KHDRBS2: variants seen among roughly 807,000 people sequenced by gnomAD.
KHDRBS2 encodes KH domain-containing, RNA-binding, signal transduction-associated protein 2.
KHDRBS2 carries 26 observed loss-of-function variants against 44.3 expected under a neutral mutation model. The ratio of observed to expected loss-of-function variants is 0.59; its 90% confidence interval spans 0.43 to 0.81. KHDRBS2 has a LOEUF of 0.81. Ranked by LOEUF, KHDRBS2 falls within the 40% of genes least tolerant of loss-of-function variation. KHDRBS2 has a pLI of 0.00. For synonymous variants in KHDRBS2, 194 were observed against 151.1 expected (o/e 1.28, Z -2.08); for missense variants, 476 against 433.1 (o/e 1.10, Z -0.88).
chr6:62,251,624 G>T (rs1836551076), intron 1 of KHDRBS2, among the ~76,000 whole-genome samples: 2 of 151,848 alleles, frequency 1.3e-5, no homozygotes, highest in African/African-American at 2.4e-5. Flanking sequence ...AGGAATCTGA[G>T]GAATTTCAAT....
intron 7 of KHDRBS2, among the ~76,000 whole-genome samples, chr6:61,706,950 A>AAC (rs1769674090): frequency 1.3e-5 from 2 of 151,520 alleles, no homozygotes; most frequent in Non-Finnish European, 2.9e-5. Flanking sequence ...ACAAAAACAA[A>AAC]AACAAAAACA....
intron 2 of KHDRBS2, among the ~76,000 whole-genome samples, chr6:62,149,668 A>C (rs932546041): frequency 1.3e-5 from 2 of 152,226 alleles, no homozygotes; most frequent in Non-Finnish European, 2.9e-5. Context: ...ACTGATATAA[A>C]AAAAGCACTT....
At position 62,071,647 on chromosome 6, in the gene KHDRBS2, C is replaced by A. The variant is rs938815950; in HGVS notation, c.220-23653G>T. Among the ~76,000 whole-genome samples the A allele has an allele frequency of 2.0e-5, 3 of 151,904 alleles. No homozygotes were observed. The East Asian group carries it at 5.8e-4, about 29-fold the overall frequency. On this transcript the variant is annotated intron_variant, in intron 2 of 8. Transcript: ENST00000281156. ...GTCAGGTTTGTCAAAGATCAGATAG[C>A]TGTAGATATGTGGCATTATTTCTGA... is the stretch of plus-strand genomic sequence containing the variant.
At chr6:62,241,481 G>GA (rs1450493376) in intron 1 of KHDRBS2, among the ~76,000 whole-genome samples, 2 of 151,722 alleles carry the variant, frequency 1.3e-5, no homozygotes, top group South Asian at 4.1e-4. Context: ...CAGCTGAGGT[G>GA]AAAAAATACA....
chr6:61,911,425 A>C (rs1806030698), intron 4 of KHDRBS2, among the ~76,000 whole-genome samples: 1 of 152,200 alleles, frequency 6.6e-6, no homozygotes, highest in Non-Finnish European at 1.5e-5. Flanking sequence ...TTGTTCATGT[A>C]ATGTAATGGT....
At chr6:61,803,140 C>T (rs1355626790) in intron 6 of KHDRBS2, among the ~76,000 whole-genome samples, 1 of 152,158 alleles carries the variant, frequency 6.6e-6, no homozygotes, top group African/African-American at 2.4e-5. Flanking sequence ...TTGCTTCCTC[C>T]TACTCCTCAT....
chr6:62,270,824 G>A (rs1209161286), intron 1 of KHDRBS2, among the ~76,000 whole-genome samples: 2 of 152,072 alleles, frequency 1.3e-5, no homozygotes, highest in Non-Finnish European at 2.9e-5. Context: ...TGACCTATGA[G>A]ATCGTTGGTA....
At chr6:61,935,170 C>T (rs1183175075) in intron 4 of KHDRBS2, among the ~76,000 whole-genome samples, 1 of 151,948 alleles carries the variant, frequency 6.6e-6, no homozygotes. Context: ...ATTTCTATAC[C>T]GACATTTAAA....
At chr6:61,577,903 T>C in the KHDRBS2 span, among the ~76,000 whole-genome samples, 1 of 152,174 alleles carries the variant, frequency 6.6e-6, no homozygotes, top group Non-Finnish European at 1.5e-5. Flanking sequence ...TTTAATTCAA[T>C]GATGATTTCA....
the KHDRBS2 span, among the ~76,000 whole-genome samples, chr6:61,616,642 A>G: frequency 4.6e-5 from 7 of 152,130 alleles, no homozygotes; most frequent in Admixed American, 3.3e-4. Context: ...ATAAACTTAC[A>G]TATATTGCAC....
At chr6:62,115,633 G>T (rs1291656695) in intron 2 of KHDRBS2, among the ~76,000 whole-genome samples, 1 of 152,112 alleles carries the variant, frequency 6.6e-6, no homozygotes, top group Non-Finnish European at 1.5e-5. Context: ...GATTGCTAAA[G>T]GCAGAACAAC....
chr6:62,158,630 A>T (rs1161715122), intron 2 of KHDRBS2, among the ~76,000 whole-genome samples: 1 of 152,166 alleles, frequency 6.6e-6, no homozygotes, highest in Non-Finnish European at 1.5e-5. Flanking sequence ...AAGAGGCCAG[A>T]CATAAAAATT....
chr6:62,185,272 A>C (rs1213304174), intron 1 of KHDRBS2, among the ~76,000 whole-genome samples: 1 of 151,878 alleles, frequency 6.6e-6, no homozygotes, highest in African/African-American at 2.4e-5. Context: ...TTATACCCTA[A>C]ACCTGTGTTT....
chr6:61,861,613 T>C (rs1410762033), intron 6 of KHDRBS2, among the ~76,000 whole-genome samples: 1 of 152,042 alleles, frequency 6.6e-6, no homozygotes, highest in African/African-American at 2.4e-5. Flanking sequence ...TTTCAATTAC[T>C]TGTAGCCGTG....
chr6:61,714,670 C>T (rs1358305277), intron 7 of KHDRBS2, among the ~76,000 whole-genome samples: 4 of 151,682 alleles, frequency 2.6e-5, no homozygotes, highest in African/African-American at 9.7e-5. Context: ...GTGATGACTG[C>T]ATAAAGAAAA....
chr6:62,070,643 T>C (rs926840449), intron 2 of KHDRBS2, among the ~76,000 whole-genome samples: 3 of 152,184 alleles, frequency 2.0e-5, no homozygotes, highest in Non-Finnish European at 4.4e-5. Context: ...TCCAGCTTCA[T>C]CCATGCCCCT....
the KHDRBS2 span, among the ~76,000 whole-genome samples, chr6:61,651,518 A>G: frequency 6.6e-6 from 1 of 152,112 alleles, no homozygotes; most frequent in South Asian, 2.1e-4. Flanking sequence ...TATGGTGCTC[A>G]AAAAGTTTCA....
At chr6:62,207,447 C>T (rs1244128844) in intron 1 of KHDRBS2, among the ~76,000 whole-genome samples, 2 of 152,100 alleles carry the variant, frequency 1.3e-5, no homozygotes. Flanking sequence ...AGAGCCATTA[C>T]ATTACAAAAC....
At chr6:61,836,868 G>GT (rs1792776747) in intron 6 of KHDRBS2, among the ~76,000 whole-genome samples, 1 of 152,026 alleles carries the variant, frequency 6.6e-6, no homozygotes, top group Admixed American at 6.6e-5. Context: ...ATTAGTTGGT[G>GT]TTGACAAGAG....
Sources: allele counts gnomAD v4.1 joint callset (sites outside exome capture counted in the v4.1 genomes callset), GRCh38; gene constraint gnomAD v4.1.1; transcripts MANE v1.5; gene names NCBI Gene and HGNC (gene_info 2026-07-23, HGNC 2026-07-21).